CLPB: variants seen among roughly 807,000 people sequenced by gnomAD.
CLPB encodes the protein ClpB family mitochondrial disaggregase.
In CLPB, 40 loss-of-function variants were observed where a neutral mutation model predicts 78.4. That is an observed-to-expected ratio of 0.51 (90% CI 0.40 to 0.66). The LOEUF (loss-of-function observed/expected upper bound fraction) is 0.66. Among genes scored for constraint, CLPB ranks in the 30% least tolerant of loss-of-function variants. CLPB has a pLI of 0.00. For synonymous variants in CLPB, 333 were observed against 348.0 expected, an observed-to-expected ratio of 0.96 and a Z score of 0.48; for missense variants, 780 against 886.9, an observed-to-expected ratio of 0.88 and a Z score of 1.53.
intron 6 of CLPB, 133 bp from the exon 7 acceptor site, chr11:72,317,353 A>AT: frequency 1.6e-6 from 1 of 631,878 alleles, no homozygotes; most frequent in Non-Finnish European, 2.6e-6. Flanking sequence ...GTTCATGGTC[A>AT]CTGGAGGCTG....
At chr11:72,410,394 CACCTCACCA>C (rs1855841278) in intron 2 of CLPB, among the ~76,000 whole-genome samples, 1 of 152,084 alleles carries the variant, frequency 6.6e-6, no homozygotes, top group Admixed American at 6.5e-5. Flanking sequence ...AAATGGAGAA[CACCTCACCA>C]ACCCTACTAT....
chr11:72,433,699 C>T (rs535051561), intron 1 of CLPB, among the ~76,000 whole-genome samples: 1 of 152,116 alleles, frequency 6.6e-6, no homozygotes, highest in East Asian at 1.9e-4. Context: ...AACCATCTGG[C>T]GGTTGCCCTT....
intron 2 of CLPB, among the ~76,000 whole-genome samples, chr11:72,428,140 G>A (rs1856440847): frequency 6.6e-6 from 1 of 152,158 alleles, no homozygotes; most frequent in African/African-American, 2.4e-5. Flanking sequence ...TCCCCCATCT[G>A]CAGTGCCCAG....
At position 72,372,077 on chromosome 11, in the gene CLPB, C is replaced by T. The variant is rs534853984; in HGVS notation, c.646+8204G>A. On this transcript the variant is annotated intron_variant, in intron 4 of 15. Transcript: ENST00000538039. ...AGCCTATGGTGTAGGAAATATTATT[C>T]TCTACAGATGCGAAAATCAAGCTCA... 1.2e-4 allele frequency among the ~76,000 whole-genome samples: 18 copies of T among 152,278 alleles called. 1 individual carries two copies. The highest frequency in any genetic ancestry group is 4.3e-4 in the African/African-American group (18 of 41,548).
chr11:72,322,979 A>G (rs1950069925), intron 6 of CLPB, among the ~76,000 whole-genome samples: 1 of 152,194 alleles, frequency 6.6e-6, no homozygotes, highest in Non-Finnish European at 1.5e-5. Flanking sequence ...GAGTATAGAG[A>G]CAGAACAGTA....
chr11:72,385,228 GT>G (rs1025080863), intron 3 of CLPB, among the ~76,000 whole-genome samples: 1 of 152,152 alleles, frequency 6.6e-6, no homozygotes, highest in Non-Finnish European at 1.5e-5. Flanking sequence ...AATCACTCCA[GT>G]GGCTGTATAA....
At chr11:72,386,747 T>C (rs117794131) in intron 3 of CLPB, among the ~76,000 whole-genome samples, 4,431 of 152,290 alleles carry the variant, frequency 0.029, 111 homozygotes, top group Non-Finnish European at 0.04. Flanking sequence ...TCAAAGGTAA[T>C]TTATCCAGAA....
At chr11:72,379,800 C>A (rs1480326279) in intron 4 of CLPB, among the ~76,000 whole-genome samples, 1 of 152,146 alleles carries the variant, frequency 6.6e-6, no homozygotes, top group Non-Finnish European at 1.5e-5. Flanking sequence ...AAGCAGTATT[C>A]AGAGTAATAG....
At chr11:72,401,551 G>A (rs1310251792) in intron 3 of CLPB, among the ~76,000 whole-genome samples, 1 of 152,140 alleles carries the variant, frequency 6.6e-6, no homozygotes, top group African/African-American at 2.4e-5. Context: ...CACAACAAAG[G>A]AGCAGAGAAG....
chr11:72,424,701 A>G (rs950215452), intron 2 of CLPB, among the ~76,000 whole-genome samples: 2 of 152,160 alleles, frequency 1.3e-5, no homozygotes, highest in Admixed American at 1.3e-4. Context: ...CCTGGCTAAC[A>G]TGGTGAAACC....
Position 72,380,391 on chromosome 11 carries a change from G to A in CLPB, c.543-7C>T. On this transcript the variant is annotated splice_region_variant and splice_polypyrimidine_tract_variant and intron_variant, in intron 3 of 15. Transcript: ENST00000538039. ...AAGCAGGACCTGTACCACACTAGAA[G>A]AAATCACAAAGACAGAAGTGTCAAA... 6.2e-7 allele frequency: 1 copy of A among 1,611,696 alleles called. No individual in the cohort carries two copies. Among genetic ancestry groups the A allele is most frequent in the Non-Finnish European group, 8.5e-7 (1 of 1,177,800 alleles).
At chr11:72,354,541 G>A (rs555330137) in intron 5 of CLPB, 11 of 380,304 alleles carry the variant, frequency 2.9e-5, no homozygotes, top group Non-Finnish European at 4.6e-5. Flanking sequence ...TGAAGTATGA[G>A]GCTCCAGCCA....
intron 4 of CLPB, among the ~76,000 whole-genome samples, chr11:72,369,157 T>C (rs1234951222): frequency 6.6e-6 from 1 of 152,176 alleles, no homozygotes; most frequent in African/African-American, 2.4e-5. Context: ...GCATCCTCTC[T>C]GACTCAGGAC....
intron 4 of CLPB, among the ~76,000 whole-genome samples, chr11:72,373,361 C>T (rs943680513): frequency 3.3e-5 from 5 of 152,286 alleles, no homozygotes; most frequent in African/African-American, 1.2e-4. Flanking sequence ...CCCGGCTGGG[C>T]GACTTGTTTA....
chr11:72,362,231 T>G (rs909965322), intron 4 of CLPB, among the ~76,000 whole-genome samples: 2 of 152,222 alleles, frequency 1.3e-5, no homozygotes, highest in African/African-American at 4.8e-5. Flanking sequence ...CCTCCTACGT[T>G]TGAGGTAGTT....
At chr11:72,358,217 T>A (rs887127770) in intron 5 of CLPB, among the ~76,000 whole-genome samples, 1 of 152,250 alleles carries the variant, frequency 6.6e-6, no homozygotes, top group African/African-American at 2.4e-5. Context: ...TCATTATTCA[T>A]TGATTTATTG....
intron 5 of CLPB, among the ~76,000 whole-genome samples, chr11:72,336,413 G>C (rs937940861): frequency 6.6e-6 from 1 of 152,170 alleles, no homozygotes; most frequent in Non-Finnish European, 1.5e-5. Context: ...ACTGGGCTGG[G>C]GAGCCAGTGA....
intron 4 of CLPB, among the ~76,000 whole-genome samples, chr11:72,360,037 T>A (rs1950805336): frequency 6.6e-6 from 1 of 152,228 alleles, no homozygotes; most frequent in African/African-American, 2.4e-5. Context: ...ATTAGAATGT[T>A]ACCCCACCTC....
intron 3 of CLPB, among the ~76,000 whole-genome samples, chr11:72,397,995 A>T (rs1335701047): frequency 6.6e-6 from 1 of 152,260 alleles, no homozygotes; most frequent in Non-Finnish European, 1.5e-5. Context: ...TAACAATACC[A>T]GAGCTTTAAG....
Sources: gnomAD v4.1 joint callset for allele counts (sites outside exome capture counted in the v4.1 genomes callset) on GRCh38, gnomAD v4.1.1 for gene constraint, MANE v1.5 for transcripts, NCBI Gene and HGNC (gene_info 2026-07-23, HGNC 2026-07-21) for gene names.